ASXL3: variants seen among roughly 807,000 people sequenced by gnomAD.
ASXL3 encodes putative Polycomb group protein ASXL3.
In ASXL3, 34 loss-of-function variants were observed where a neutral mutation model predicts 170.6. The observed-to-expected ratio is 0.20, with a 90% CI of 0.15 to 0.27. ASXL3 has a LOEUF of 0.27. Among genes scored for constraint, ASXL3 ranks in the 10% least tolerant of loss-of-function variants. ASXL3 has a pLI of 1.00. For missense variants in ASXL3, 2,592 were observed against 2,695.3 expected (o/e 0.96, Z 0.85); for synonymous variants, 1,002 against 989.1 (o/e 1.01, Z -0.24).
intron 4 of ASXL3, among the ~76,000 whole-genome samples, chr18:33,659,487 C>T (rs1425636934): frequency 6.6e-6 from 1 of 152,024 alleles, no homozygotes; most frequent in African/African-American, 2.4e-5. Flanking sequence ...GCTGGGCATA[C>T]ATGAGATCTG....
chr18:33,588,467 A>C (rs1166882061), intron 1 of ASXL3, among the ~76,000 whole-genome samples: 1 of 152,032 alleles, frequency 6.6e-6, no homozygotes, highest in Non-Finnish European at 1.5e-5. Flanking sequence ...GAAAACACAT[A>C]GACAAGGTCA....
At chr18:33,697,469 T>G (rs764303230) in intron 8 of ASXL3, among the ~76,000 whole-genome samples, 2 of 152,088 alleles carry the variant, frequency 1.3e-5, no homozygotes, top group Non-Finnish European at 2.9e-5. Context: ...GTGAATTTGA[T>G]GCAGTTGAAT....
At chr18:33,652,418 A>G (rs2066013345) in intron 4 of ASXL3, among the ~76,000 whole-genome samples, 1 of 151,916 alleles carries the variant, frequency 6.6e-6, no homozygotes, top group Admixed American at 6.6e-5. Flanking sequence ...TGGCCCTAAT[A>G]TAGTTCAGGC....
At chr18:33,701,168 A>T (rs147587143) in intron 8 of ASXL3, among the ~76,000 whole-genome samples, 1,603 of 152,140 alleles carry the variant, frequency 0.011, 34 homozygotes, top group African/African-American at 0.036. Flanking sequence ...AATATCCTCC[A>T]AAGTATTCTA....
chr18:33,724,420 G>T (rs1252769617), intron 8 of ASXL3, among the ~76,000 whole-genome samples: 1 of 152,034 alleles, frequency 6.6e-6, no homozygotes, highest in East Asian at 1.9e-4. Context: ...TCAGATCTTA[G>T]AAACTTATAT....
intron 2 of ASXL3, among the ~76,000 whole-genome samples, chr18:33,609,962 C>T (rs1270873196): frequency 6.6e-6 from 1 of 151,954 alleles, no homozygotes. Flanking sequence ...ACTTATGGCT[C>T]ATGCATCTCT....
rs1493924 is a variant in ASXL3, at chr18:33,734,757, T to C, written c.1082+342T>C. Reference sequence around the variant, plus strand: ...CATGAATTAATGCTTTATAGATAAATAATTTTAGTCATGTATTTAATTCTC... The same window carrying C: ...CATGAATTAATGCTTTATAGATAAACAATTTTAGTCATGTATTTAATTCTC... On this transcript the variant is annotated intron_variant, in intron 10 of 11. Coordinates refer to ENST00000269197, the MANE Select transcript of ASXL3 (RefSeq NM_030632.3). 0.4 allele frequency among the ~76,000 whole-genome samples: 60,817 copies of C among 152,018 alleles called. 13,217 individuals carry two copies. Among genetic ancestry groups the C allele is most frequent in the East Asian group, 0.81 (4,175 of 5,164 alleles).
At chr18:33,584,925 T>C (rs184981603) in intron 1 of ASXL3, among the ~76,000 whole-genome samples, 40 of 152,256 alleles carry the variant, frequency 2.6e-4, no homozygotes, top group African/African-American at 8.7e-4. Flanking sequence ...TGTATACTTT[T>C]TTTTTTCTAT....
chr18:33,672,452 C>T (rs771207330), intron 7 of ASXL3, among the ~76,000 whole-genome samples: 1 of 152,136 alleles, frequency 6.6e-6, no homozygotes, highest in African/African-American at 2.4e-5. Context: ...AACTTTTCAT[C>T]AGGAACCCCC....
intron 4 of ASXL3, among the ~76,000 whole-genome samples, chr18:33,655,302 AG>A (rs1425621886): frequency 6.6e-6 from 1 of 152,028 alleles, no homozygotes; most frequent in African/African-American, 2.4e-5. Context: ...CTAATGAAGC[AG>A]GTTATAAAAT....
chr18:33,743,237 C>T lies in ASXL3; in HGVS notation c.3389C>T (p.Pro1130Leu). The T allele has an allele frequency of 6.2e-7, 1 of 1,613,976 alleles. No homozygotes were observed. Among genetic ancestry groups the T allele is most frequent in the South Asian group, 1.1e-5 (1 of 91,078 alleles). Residue 1130 changes from proline (P) to leucine (L), a missense_variant, in exon 12 of 12, where the codon CCT becomes CTT. Pro to Leu is a moderately conservative substitution (Grantham distance 98). Around this residue, in one of 4 missense-constraint regions of ASXL3, gnomAD observed 2,246 missense variants for 2,219.6 expected, o/e 1.01. Transcript: ENST00000269197. The stretch of plus-strand genomic sequence containing the variant: ...CAGACCTCTAAAGAGACCCGGTTGC[C>T]TCCTCCGCTCAGCTCAAAGGAAGGG... ...LFQTSKETRL[P>L]PPLSSKEGPP...
chr18:33,595,099 A>G (rs988582455), intron 1 of ASXL3, among the ~76,000 whole-genome samples: 4 of 152,170 alleles, frequency 2.6e-5, no homozygotes, highest in Non-Finnish European at 5.9e-5. Flanking sequence ...TCATATTTTT[A>G]AAATGTTAGT....
At chr18:33,633,843 C>CAAAAAAAAAAAAAAAAAAAAAAT in intron 2 of ASXL3, among the ~76,000 whole-genome samples, 1 of 86,948 alleles carries the variant, frequency 1.2e-5, no homozygotes, top group Non-Finnish European at 2.4e-5. Context: ...GACTCCATCT[C>CAAAAAAAAAAAAAAAAAAAAAAT]AAAAAAAAAA....
chr18:33,633,010 C>T (rs2065703226), intron 2 of ASXL3, among the ~76,000 whole-genome samples: 1 of 152,186 alleles, frequency 6.6e-6, no homozygotes, highest in South Asian at 2.1e-4. Context: ...ACTCCTCGCT[C>T]TGGAATCACG....
intron 4 of ASXL3, among the ~76,000 whole-genome samples, chr18:33,652,471 G>A (rs1205761832): frequency 6.6e-6 from 1 of 151,686 alleles, no homozygotes; most frequent in Non-Finnish European, 1.5e-5. Flanking sequence ...TTTTAAATGA[G>A]GAAACTAGAG....
chr18:33,604,989 G>T (rs897907912), intron 1 of ASXL3, among the ~76,000 whole-genome samples: 8 of 151,972 alleles, frequency 5.3e-5, no homozygotes, highest in African/African-American at 1.9e-4. Flanking sequence ...ATACTTGTAG[G>T]TATTTGCATG....
In ASXL3 at chr18:33,744,176, C is replaced by T. The variant is rs531964874; in HGVS notation, c.4328C>T (p.Pro1443Leu). Reference sequence around the variant, plus strand: ...GAAAGCTTGGACAAAAATTCAGGGCCTCGAAACAGGGCAGATAATTCTGGA... The same window carrying T: ...GAAAGCTTGGACAAAAATTCAGGGCTTCGAAACAGGGCAGATAATTCTGGA... ...SAESLDKNSG[P>L]RNRADNSGKP... Residue 1443 changes from proline (P) to leucine (L), a missense_variant, in exon 12 of 12, where the codon CCT becomes CTT. Pro to Leu is a moderately conservative substitution (Grantham distance 98, BLOSUM62 -3). Coordinates refer to ENST00000269197, the MANE Select transcript of ASXL3 (RefSeq NM_030632.3). 1.1e-5 allele frequency: 17 copies of T among 1,613,962 alleles called. No individual in the cohort carries two copies. In the South Asian group the frequency reaches 1.4e-4, roughly 14 times the overall value.
At position 33,746,360 on chromosome 18, in the gene ASXL3, T is replaced by C. The variant is rs746016958; in HGVS notation, c.6512T>C (p.Ile2171Thr). The C allele has an allele frequency of 1.9e-6, 3 of 1,613,972 alleles. No homozygotes were observed. Among genetic ancestry groups the C allele is most frequent in the Non-Finnish European group, 2.5e-6 (3 of 1,179,832 alleles). ...STSFKRAASA[I>T]EKSIGILGSG... ...AGTTTCAAAAGGGCAGCATCTGCAA[T>C]TGAAAAGTCCATTGGGATTTTGGGA... Residue 2171 changes from isoleucine to threonine, a missense_variant, in exon 12 of 12, where the codon ATT becomes ACT. Transcript: ENST00000269197.
At chr18:33,617,885 A>G (rs2065451539) in intron 2 of ASXL3, among the ~76,000 whole-genome samples, 1 of 152,144 alleles carries the variant, frequency 6.6e-6, no homozygotes, top group South Asian at 2.1e-4. Context: ...AAAATCTTTG[A>G]GGAGGAATAG....
Sources: gnomAD v4.1 joint callset for allele counts (sites outside exome capture counted in the v4.1 genomes callset) on GRCh38, gnomAD v4.1.1 for gene constraint, gnomAD v4.1.1 regional missense constraint, MANE v1.5 for transcripts, NCBI Gene and HGNC (gene_info 2026-07-23, HGNC 2026-07-21) for gene names.